Variants in NLRP11 observed in about 807,000 individuals in gnomAD.
NLRP11 encodes the protein NACHT, LRR and PYD domains-containing protein 11.
In NLRP11, 53 loss-of-function variants were observed where a neutral mutation model predicts 79.3. The ratio of observed to expected loss-of-function variants is 0.67; its 90% CI spans 0.54 to 0.84. The LOEUF (loss-of-function observed/expected upper bound fraction) is 0.84. NLRP11 is among the 40% of genes least tolerant of loss of function. The probability of loss-of-function intolerance (pLI) is 0.00; values close to 1 mark genes in which losing one functional copy is unlikely to be tolerated. For synonymous variants in NLRP11, 518 were observed against 462.6 expected, an observed-to-expected ratio of 1.12 and a Z score of -1.54; for missense variants, 1,264 against 1,255.0, an observed-to-expected ratio of 1.01 and a Z score of -0.11.
At chr19:55,812,683 G>A (rs777458704) in intron 2 of NLRP11, among the ~76,000 whole-genome samples, 9 of 152,084 alleles carry the variant, frequency 5.9e-5, no homozygotes, top group Non-Finnish European at 5.9e-5. Context: ...AAATGATGTG[G>A]AGGTTCCTCA....
intron 2 of NLRP11, among the ~76,000 whole-genome samples, chr19:55,811,500 G>A (rs146203583): frequency 1.3e-5 from 2 of 152,120 alleles, no homozygotes; most frequent in African/African-American, 4.8e-5. Flanking sequence ...TGGTGGACCT[G>A]AATGTACTGG....
intron 5 of NLRP11, among the ~76,000 whole-genome samples, chr19:55,799,597 G>A (rs965018279): frequency 1.3e-5 from 2 of 152,180 alleles, no homozygotes; most frequent in Admixed American, 1.3e-4. Context: ...TAACTACAAA[G>A]TGGCAACAGA....
intron 2 of NLRP11, among the ~76,000 whole-genome samples, chr19:55,811,029 C>T (rs1181233763): frequency 6.6e-6 from 1 of 152,160 alleles, no homozygotes; most frequent in Non-Finnish European, 1.5e-5. Context: ...AGTTCAGGGA[C>T]TGTTTCCTGG....
At chr19:55,807,713 T>C (rs1156828222) in intron 4 of NLRP11, 140 bp downstream of exon 4, 14 of 542,356 alleles carry the variant, frequency 2.6e-5, no homozygotes, top group Middle Eastern at 5.7e-4. Context: ...CTAAAGATGG[T>C]TGAGAAGTAC....
At chr19:55,786,376 T>A (rs1989879615) in intron 9 of NLRP11, among the ~76,000 whole-genome samples, 1 of 152,006 alleles carries the variant, frequency 6.6e-6, no homozygotes, top group South Asian at 2.1e-4. Flanking sequence ...ATACAAAAAC[T>A]TAGCCGGGTG....
intron 1 of NLRP11, among the ~76,000 whole-genome samples, chr19:55,831,550 A>G (rs1982790062): frequency 6.6e-6 from 1 of 152,146 alleles, no homozygotes; most frequent in South Asian, 2.1e-4. Context: ...CGACAGAGCG[A>G]GACTCCGTCT....
At chr19:55,807,740 C>T in intron 4 of NLRP11, 113 bp downstream of exon 4, 1 of 674,246 alleles carries the variant, frequency 1.5e-6, no homozygotes, top group Non-Finnish European at 2.5e-6. Flanking sequence ...AGCCTAGGCC[C>T]TGATGAGCCT....
At chr19:55,833,142 TATAAG>T (rs1261979613), upstream of NLRP11, among the ~76,000 whole-genome samples, 1 of 152,212 alleles carries the variant, frequency 6.6e-6, no homozygotes, top group African/African-American at 2.4e-5. Flanking sequence ...AAATAATTCT[TATAAG>T]AGATTGTAAA....
chr19:55,818,263 T>C (rs1981342187), intron 1 of NLRP11, 27 bp from the exon 2 acceptor site: 1 of 1,041,156 alleles, frequency 9.6e-7, no homozygotes, highest in South Asian at 1.6e-5. Context: ...AATCAGACAA[T>C]CAAACCACAC....
intron 1 of NLRP11, among the ~76,000 whole-genome samples, chr19:55,830,439 C>T (rs1029431284): frequency 1.3e-5 from 2 of 151,954 alleles, no homozygotes; most frequent in Non-Finnish European, 2.9e-5. Context: ...TGCTTGTGTT[C>T]TTTAAGGTAT....
chr19:55,834,808 G>T (rs556120162), upstream of NLRP11, among the ~76,000 whole-genome samples: 1 of 152,206 alleles, frequency 6.6e-6, no homozygotes, highest in East Asian at 1.9e-4. Flanking sequence ...TAACAAACTC[G>T]CATTGATTAA....
At chr19:55,828,082 A>G (rs534219785) in intron 1 of NLRP11, among the ~76,000 whole-genome samples, 4,076 of 149,482 alleles carry the variant, frequency 0.027, 60 homozygotes, top group Middle Eastern at 0.062. Context: ...AATACTATGC[A>G]GCCATAAAAA....
At chr19:55,800,563 C>T (rs983377162) in intron 5 of NLRP11, among the ~76,000 whole-genome samples, 2 of 152,120 alleles carry the variant, frequency 1.3e-5, no homozygotes, top group Non-Finnish European at 2.9e-5. Context: ...TGATCCACAT[C>T]CTCTGCCTCC....
intron 6 of NLRP11, among the ~76,000 whole-genome samples, chr19:55,794,588 G>A (rs955359477): frequency 1.4e-4 from 21 of 151,996 alleles, no homozygotes; most frequent in Admixed American, 5.2e-4. Flanking sequence ...GTGAAACCCC[G>A]TCTCTACTAA....
rs769574621 is a variant in NLRP11, at chr19:55,810,348, C to A, written c.272-10G>T. 59 of 1,597,806 alleles carry A rather than the reference C, an allele frequency of 3.7e-5. No homozygotes were observed. The East Asian group carries it at 7.8e-4, about 21-fold the overall frequency. On this transcript the variant is annotated splice_polypyrimidine_tract_variant and intron_variant, in intron 2 of 9. Transcript: ENST00000589093. ...CATGCCTCCTGATTGCCTAATCCAG[C>A]GAGTACAGGGCAGAAAATACAGAAC...
exon 5 of NLRP11, chr19:55,801,724 C>A (rs1233232122): frequency 6.2e-7 from 1 of 1,614,072 alleles, no homozygotes; most frequent in East Asian, 2.2e-5. Context: ...CAGAAGCAGT[C>A]GAGACATAGG....
intron 5 of NLRP11, among the ~76,000 whole-genome samples, 194 bp from the exon 6 acceptor site, chr19:55,796,444 T>C (rs11665811): frequency 0.36 from 54,823 of 152,024 alleles, 10,404 homozygotes; most frequent in South Asian, 0.52. Flanking sequence ...AGGTTACAGA[T>C]TCACGAAGGG....
chr19:55,808,923 C>T (rs1419096001), exon 3 of NLRP11: 1 of 1,614,058 alleles, frequency 6.2e-7, no homozygotes, highest in Admixed American at 1.7e-5. Flanking sequence ...ATGAGAGCAT[C>T]CACAATCGTC....
chr19:55,788,878 G>A lies in NLRP11; in HGVS notation c.2784C>T (p.His928=), dbSNP rs75817283. Residue 928 remains histidine, a synonymous_variant, in exon 9 of 10, where the codon CAC becomes CAT. Transcript: ENST00000589093. Reference sequence around the variant, plus strand: ...GTTTTGCAACTCCATCATTGCCCAAGTGATTTTGAAGCAAGTTGAGTCTTT... The same window carrying A: ...GTTTTGCAACTCCATCATTGCCCAAATGATTTTGAAGCAAGTTGAGTCTTT... 6.9e-4 allele frequency: 1,111 copies of A among 1,613,472 alleles called. 8 individuals are homozygous for A. In the East Asian group the frequency reaches 0.012, roughly 17 times the overall value.
Sources: allele counts gnomAD v4.1 joint callset (sites outside exome capture counted in the v4.1 genomes callset), GRCh38; gene constraint gnomAD v4.1.1; transcripts MANE v1.5; gene names NCBI Gene and HGNC (gene_info 2026-07-23, HGNC 2026-07-21).